Variants in AOX1 observed in about 807,000 individuals in gnomAD.
AOX1 encodes aldehyde oxidase.
A neutral mutation model predicts 169.5 loss-of-function variants in AOX1; 153 were observed. The observed-to-expected ratio is 0.90, with a 90% CI of 0.79 to 1.03. The LOEUF (loss-of-function observed/expected upper bound fraction) is 1.03. AOX1 is among the 50% of genes least tolerant of loss of function. The probability of loss-of-function intolerance (pLI) is 0.00; values close to 1 mark genes in which losing one functional copy is unlikely to be tolerated. For synonymous variants in AOX1, 562 were observed against 581.9 expected, an observed-to-expected ratio of 0.97 and a Z score of 0.49; for missense variants, 1,656 against 1,663.9, an observed-to-expected ratio of 1.00 and a Z score of 0.08.
At chr2:200,656,810 TC>T in intron 26 of AOX1, 31 bp from the exon 27 acceptor site, 1 of 1,419,420 alleles carries the variant, frequency 7.0e-7, no homozygotes. Context: ...ATCAAAAAGA[TC>T]ACAGAAACAG....
chr2:200,603,856 G>C (rs1242567836), intron 7 of AOX1, among the ~76,000 whole-genome samples, 161 bp from the exon 8 acceptor site: 2 of 152,188 alleles, frequency 1.3e-5, no homozygotes, highest in African/African-American at 4.8e-5. Context: ...GACAAGGTTT[G>C]TGTTAGAGCC....
At chr2:200,591,521 C>T (rs559826479) in intron 1 of AOX1, among the ~76,000 whole-genome samples, 17 of 152,306 alleles carry the variant, frequency 1.1e-4, no homozygotes, top group African/African-American at 3.8e-4. Context: ...CCAGTTCATC[C>T]GTGTGGCCTG....
At chr2:200,668,949 C>T (rs879621476) in intron 33 of AOX1, 146 bp downstream of exon 33, 3 of 688,184 alleles carry the variant, frequency 4.4e-6, no homozygotes, top group Non-Finnish European at 7.0e-6. Flanking sequence ...TCTAATCTAA[C>T]ATTATGATAA....
chr2:200,623,878 G>T lies in AOX1; in HGVS notation c.2019G>T (p.Gln673His), dbSNP rs1415228759. The T allele has an allele frequency of 6.2e-7, 1 of 1,613,992 alleles. No individual in the cohort carries two copies. The highest frequency in any genetic ancestry group is 1.1e-5 in the South Asian group (1 of 91,076). The change falls in exon 19 of 35, where the codon CAG becomes CAT. Residue 673 changes from glutamine to histidine, a missense_variant. Physicochemically the swap from Gln to His is conservative, Grantham distance 24. Coordinates refer to ENST00000374700, the MANE Select transcript of AOX1 (RefSeq NM_001159.4). ...TGTCGTAGGTGTTCTGTGTGGGTCA[G>T]CTTGTCTGTGCTGTGCTTGCCGATT... ...LATDKVFCVG[Q>H]LVCAVLADSE...
intron 4 of AOX1, among the ~76,000 whole-genome samples, chr2:200,598,435 T>C (rs533554346): frequency 1.6e-4 from 24 of 152,078 alleles, no homozygotes; most frequent in South Asian, 4.2e-4. Context: ...TCTTTATGTA[T>C]ATATTGCCCA....
intron 14 of AOX1, among the ~76,000 whole-genome samples, chr2:200,613,302 C>T (rs2034684941): frequency 6.6e-6 from 1 of 152,084 alleles, no homozygotes; most frequent in East Asian, 1.9e-4. Flanking sequence ...GGCAGACTGG[C>T]CAAAATCTCA....
At chr2:200,587,129 C>A (rs747567085) in intron 1 of AOX1, among the ~76,000 whole-genome samples, 1 of 151,186 alleles carries the variant, frequency 6.6e-6, no homozygotes, top group African/African-American at 2.4e-5. Context: ...CAAAACAAAA[C>A]AACAACAACA....
rs2034637488 is a variant in AOX1, at chr2:200,611,398, A to G, written c.1168A>G (p.Ile390Val). The change falls in exon 13 of 35, where the codon ATT becomes GTT. Residue 390 changes from isoleucine to valine, a missense_variant. Physicochemically the swap from Ile to Val is conservative, Grantham distance 29. Transcript: ENST00000374700. The part of the protein sequence containing the change: ...NLLSKEGKRQ[I>V]PLNEQFLSKC... ...TCTTTCCACAGAAGGAAAACGACAG[A>G]TTCCTTTAAATGAGCAATTCCTCAG... 3.1e-6 allele frequency: 5 copies of G among 1,612,944 alleles called. No homozygotes were observed. Among genetic ancestry groups the G allele is most frequent in the Non-Finnish European group, 4.2e-6 (5 of 1,178,986 alleles).
At chr2:200,658,011 G>T (rs1157158000) in intron 27 of AOX1, among the ~76,000 whole-genome samples, 1 of 152,150 alleles carries the variant, frequency 6.6e-6, no homozygotes, top group South Asian at 2.1e-4. Context: ...ATCATGAATT[G>T]TATGTGGCTG....
chr2:200,603,368 G>A lies in AOX1; in HGVS notation c.588+12G>A, dbSNP rs765438502. 2.2e-5 allele frequency: 36 copies of A among 1,606,086 alleles called. No individual in the cohort carries two copies. The highest frequency in any genetic ancestry group is 2.7e-5 in the Non-Finnish European group (32 of 1,173,160). ...AGGAAGGAAGTAAGGTCAGTGAAAT[G>A]TAAAGCTTTTATAAGGCTTTCTCAG... On this transcript the variant is annotated intron_variant, in intron 7 of 34. Coordinates refer to ENST00000374700, the MANE Select transcript of AOX1 (RefSeq NM_001159.4).
chr2:200,606,503 T>G (rs1257855335), intron 10 of AOX1, among the ~76,000 whole-genome samples: 1 of 152,216 alleles, frequency 6.6e-6, no homozygotes, highest in African/African-American at 2.4e-5. Flanking sequence ...AAAGTAGTTT[T>G]TCTAATTCTG....
chr2:200,618,123 G>C (rs1249518703), intron 16 of AOX1, among the ~76,000 whole-genome samples: 4 of 152,082 alleles, frequency 2.6e-5, no homozygotes, highest in Non-Finnish European at 5.9e-5. Context: ...TACATTCGTG[G>C]CCTAATATCT....
intron 11 of AOX1, 87 bp from the exon 12 acceptor site, chr2:200,609,234 T>A: frequency 6.3e-7 from 1 of 1,587,394 alleles, no homozygotes; most frequent in Non-Finnish European, 8.6e-7. Flanking sequence ...ACAAAAAAAA[T>A]AGTTCTCCAA....
chr2:200,664,785 C>T (rs976965076), intron 31 of AOX1, among the ~76,000 whole-genome samples: 1 of 152,256 alleles, frequency 6.6e-6, no homozygotes, highest in African/African-American at 2.4e-5. Flanking sequence ...ATTTTCCTCA[C>T]TTTGAACCTA....
chr2:200,642,552 G>A lies in AOX1; in HGVS notation c.2656-58G>A, dbSNP rs567351237. Reference sequence around the variant, plus strand: ...TTCGGCCTGGTTTTGGTCTGAGGTCGTAGGATGGTGAAACAGGTTCAGAAG... The same window carrying A: ...TTCGGCCTGGTTTTGGTCTGAGGTCATAGGATGGTGAAACAGGTTCAGAAG... On this transcript the variant is annotated intron_variant, in intron 24 of 34. Transcript: ENST00000374700. 1.1e-4 allele frequency: 171 copies of A among 1,538,694 alleles called. 1 individual carries two copies. In the African/African-American group the frequency reaches 1.9e-3, roughly 17 times the overall value.
rs552417895 is a variant in AOX1 at position 200,604,725 on chromosome 2, C to T, written c.699C>T (p.Thr233=). The T allele has an allele frequency of 9.9e-6, 16 of 1,614,012 alleles. No individual in the cohort carries two copies. In the Admixed American group the frequency reaches 2.3e-4, roughly 24 times the overall value. Residue 233 remains threonine (T), a synonymous_variant, in exon 9 of 35, where the codon ACC becomes ACT. Coordinates refer to ENST00000374700, the MANE Select transcript of AOX1 (RefSeq NM_001159.4). The part of the protein sequence containing the change: ...MIMAEKQSQR[T]RVFGSERMMW... ...TGGCTGAGAAACAGTCGCAAAGGAC[C>T]AGGGTGTTTGGCAGTGAGAGAATGA...
rs58341876 is a variant in AOX1 at position 200,634,164 on chromosome 2, A to ATTTTTTTTTTTTTTTT, written c.2222-617_2222-602dup. 1.6e-3 allele frequency among the ~76,000 whole-genome samples: 134 copies of ATTTTTTTTTTTTTTTT among 84,972 alleles called. 1 individual carries two copies. The highest frequency in any genetic ancestry group is 2.7e-3 in the African/African-American group (53 of 19,562). The allele number at this position is 84,972 out of a possible 152,430, so 55.7% of individuals were successfully genotyped here. On this transcript the variant is annotated intron_variant, in intron 20 of 34. Coordinates refer to ENST00000374700, the MANE Select transcript of AOX1 (RefSeq NM_001159.4). ...TAGGGAGAGTGGGCTTTTCTTGAGG[A>ATTTTTTTTTTTTTTTT]TTTTTTTTTTTTTTTTTTTTTTTTT... is the stretch of plus-strand genomic sequence containing the variant.
At chr2:200,639,733 G>T (rs765388962) in intron 23 of AOX1, among the ~76,000 whole-genome samples, 2 of 152,054 alleles carry the variant, frequency 1.3e-5, no homozygotes, top group Non-Finnish European at 2.9e-5. Flanking sequence ...GAAGGTAAAA[G>T]ATAGGTCTTC....
intron 26 of AOX1, 97 bp from the exon 27 acceptor site, chr2:200,656,745 C>T: frequency 1.1e-6 from 1 of 945,222 alleles, no homozygotes; most frequent in Non-Finnish European, 1.5e-6. Context: ...GTGCGGGATT[C>T]TTGGAGGGAA....
Sources: gnomAD v4.1 joint callset for allele counts (sites outside exome capture counted in the v4.1 genomes callset) on GRCh38, gnomAD v4.1.1 for gene constraint, MANE v1.5 for transcripts, NCBI Gene and HGNC (gene_info 2026-07-23, HGNC 2026-07-21) for gene names.